HHLA1: variants seen among roughly 807,000 people sequenced by gnomAD.
HHLA1 encodes HHLA1 neighbor of OC90.
In HHLA1, 72 loss-of-function variants were observed where a neutral mutation model predicts 69.9. The observed-to-expected ratio is 1.03, with a 90% CI of 0.85 to 1.25. HHLA1 has a LOEUF of 1.25. HHLA1 is among the 50% of genes most tolerant of loss of function. The pLI is 0.00. For synonymous variants in HHLA1, 252 were observed against 233.2 expected (o/e 1.08, Z -0.73); for missense variants, 685 against 642.2 (o/e 1.07, Z -0.72).
At chr8:132,091,805 G>A (rs572842826) in intron 7 of HHLA1, among the ~76,000 whole-genome samples, 15 of 152,128 alleles carry the variant, frequency 9.9e-5, no homozygotes, top group Admixed American at 7.2e-4. Flanking sequence ...GACTGTAAAC[G>A]TATGCAAGAC....
intron 10 of HHLA1, among the ~76,000 whole-genome samples, chr8:132,087,052 C>T (rs140506003): frequency 6.6e-6 from 1 of 152,176 alleles, no homozygotes; most frequent in Non-Finnish European, 1.5e-5. Context: ...AAATGACATA[C>T]AAGTGCTGTG....
At chr8:132,106,850 G>T (rs1186044907) in intron 1 of HHLA1, among the ~76,000 whole-genome samples, 2 of 152,236 alleles carry the variant, frequency 1.3e-5, no homozygotes. Context: ...GTGACTGGGG[G>T]TGGAAGTGGG....
chr8:132,093,857 G>A (rs1823980210), intron 7 of HHLA1, among the ~76,000 whole-genome samples: 1 of 152,174 alleles, frequency 6.6e-6, no homozygotes, highest in Non-Finnish European at 1.5e-5. Flanking sequence ...CCTCACAAAT[G>A]TATTTGTTGA....
In HHLA1 at chr8:132,098,862, T is replaced by A. The variant is rs564220685; in HGVS notation, c.280+20A>T. On this transcript the variant is annotated intron_variant, in intron 5 of 16. Coordinates refer to ENST00000414222, the MANE Select transcript of HHLA1 (RefSeq NM_001145095.3). Reference sequence around the variant, plus strand: ...AAGAAAAAAAAATGGACCTGGATTGTGCTTTTAAAATATGATTACCTTTTA... The same window carrying A: ...AAGAAAAAAAAATGGACCTGGATTGAGCTTTTAAAATATGATTACCTTTTA... 12 of 1,510,366 alleles carry A rather than the reference T, an allele frequency of 7.9e-6. No homozygotes were observed. In the South Asian group the frequency reaches 1.4e-4, roughly 18 times the overall value. The allele number at this position is 1,510,366 out of a possible 1,614,324, so 93.6% of individuals were successfully genotyped here. A position where few individuals can be genotyped will look rare whatever the true frequency, so the allele number is the denominator to read the frequency against.
At chr8:132,073,676 C>A (rs1053117088) in intron 14 of HHLA1, among the ~76,000 whole-genome samples, 1 of 152,114 alleles carries the variant, frequency 6.6e-6, no homozygotes, top group Non-Finnish European at 1.5e-5. Context: ...ATTAACATTC[C>A]CAAGGCTTGA....
In HHLA1 at chr8:132,077,987, G is replaced by C; in HGVS notation, c.926-16C>G. 6.4e-7 allele frequency: 1 copy of C among 1,551,324 alleles called. No individual in the cohort carries two copies. The highest frequency in any genetic ancestry group is 2.4e-5 in the East Asian group (1 of 40,904). On this transcript the variant is annotated splice_polypyrimidine_tract_variant and intron_variant, in intron 11 of 16. Coordinates refer to ENST00000414222, the MANE Select transcript of HHLA1 (RefSeq NM_001145095.3). Reference sequence around the variant, plus strand: ...CTCCTGGTAGCTGCACATTCAAAGTGACAGTAACAGGGTACAGACATGCTT... The same window carrying C: ...CTCCTGGTAGCTGCACATTCAAAGTCACAGTAACAGGGTACAGACATGCTT...
chr8:132,080,265 C>A, intron 10 of HHLA1: 2 of 435,274 alleles, frequency 4.6e-6, no homozygotes, highest in Non-Finnish European at 4.4e-6. Context: ...AAGAGACCAC[C>A]AAACAGGCTT....
chr8:132,106,243 T>A (rs1291411448), intron 1 of HHLA1, among the ~76,000 whole-genome samples: 2 of 152,194 alleles, frequency 1.3e-5, no homozygotes, highest in Non-Finnish European at 2.9e-5. Context: ...GCGCTTGGAT[T>A]GGAGAAAAAT....
At chr8:132,093,838 A>T (rs1222648663) in intron 7 of HHLA1, among the ~76,000 whole-genome samples, 6 of 152,188 alleles carry the variant, frequency 3.9e-5, no homozygotes, top group Non-Finnish European at 5.9e-5. Flanking sequence ...GATTATGAAG[A>T]ATTTTTTTCC....
intron 15 of HHLA1, among the ~76,000 whole-genome samples, chr8:132,067,724 C>T (rs1194904355): frequency 6.6e-6 from 1 of 152,172 alleles, no homozygotes; most frequent in Non-Finnish European, 1.5e-5. Context: ...ATTTTGTTCT[C>T]ACAACACTGT....
At chr8:132,077,039 A>G (rs1023672824) in intron 12 of HHLA1, among the ~76,000 whole-genome samples, 5 of 151,974 alleles carry the variant, frequency 3.3e-5, no homozygotes, top group African/African-American at 1.2e-4. Context: ...TCAGGACTTG[A>G]TCGTTTCTGT....
chr8:132,106,235 G>A (rs10111409), intron 1 of HHLA1, among the ~76,000 whole-genome samples: 45,976 of 152,094 alleles, frequency 0.3, 7,160 homozygotes, highest in Middle Eastern at 0.39. Flanking sequence ...GAGAATGTGC[G>A]CTTGGATTGG....
intron 3 of HHLA1, among the ~76,000 whole-genome samples, chr8:132,103,903 T>A (rs558568543): frequency 6.6e-6 from 1 of 152,350 alleles, no homozygotes; most frequent in East Asian, 1.9e-4. Context: ...AATGGAATGT[T>A]ACAGTCTTTG....
chr8:132,104,059 A>G, intron 3 of HHLA1, 49 bp downstream of exon 3: 1 of 1,355,460 alleles, frequency 7.4e-7, no homozygotes. Flanking sequence ...AAGTCAAGGA[A>G]TTTGCCCAAG....
intron 15 of HHLA1, among the ~76,000 whole-genome samples, chr8:132,067,315 G>A (rs1823458513): frequency 6.6e-6 from 1 of 152,182 alleles, no homozygotes; most frequent in African/African-American, 2.4e-5. Flanking sequence ...GAACTCACTG[G>A]AATCTGGTTG....
chr8:132,103,283 C>T (rs914603792), intron 3 of HHLA1, among the ~76,000 whole-genome samples: 3 of 152,098 alleles, frequency 2.0e-5, no homozygotes, highest in Admixed American at 1.3e-4. Flanking sequence ...GTAACTTTTG[C>T]TATTTGAACT....
At chr8:132,105,434 T>A (rs1824188435) in intron 1 of HHLA1, 148 bp from the exon 2 acceptor site, 1 of 631,412 alleles carries the variant, frequency 1.6e-6, no homozygotes, top group Non-Finnish European at 2.9e-6. Flanking sequence ...GGTAACAAAT[T>A]AACTCCACAA....
chr8:132,078,171 A>C (rs969649473), intron 11 of HHLA1, among the ~76,000 whole-genome samples, 200 bp from the exon 12 acceptor site: 3 of 144,394 alleles, frequency 2.1e-5, no homozygotes, highest in Admixed American at 6.9e-5. Flanking sequence ...AGCACCAATA[A>C]ACACACACAC....
intron 12 of HHLA1, among the ~76,000 whole-genome samples, chr8:132,076,902 C>A (rs1756791570): frequency 6.6e-6 from 1 of 152,110 alleles, no homozygotes; most frequent in Non-Finnish European, 1.5e-5. Flanking sequence ...TCTCATTCAT[C>A]TGAGTCTTAG....
Sources: gnomAD v4.1 joint callset for allele counts (sites outside exome capture counted in the v4.1 genomes callset) on GRCh38, gnomAD v4.1.1 for gene constraint, MANE v1.5 for transcripts, NCBI Gene and HGNC (gene_info 2026-07-23, HGNC 2026-07-21) for gene names.